JMY: variants seen among roughly 807,000 people sequenced by gnomAD.
The protein encoded by JMY is junction-mediating and -regulatory protein.
In JMY, 46 loss-of-function variants were observed where a neutral mutation model predicts 103.3. That is an observed-to-expected ratio of 0.45 (90% CI 0.35 to 0.57). JMY has a LOEUF of 0.57. Ranked by LOEUF, JMY falls within the 20% of genes least tolerant of loss-of-function variation. The probability of loss-of-function intolerance (pLI) is 0.00; values close to 1 mark genes in which losing one functional copy is unlikely to be tolerated. For synonymous variants in JMY, 526 were observed against 489.3 expected, an observed-to-expected ratio of 1.07 and a Z score of -0.99; for missense variants, 1,238 against 1,255.2, an observed-to-expected ratio of 0.99 and a Z score of 0.21.
At position 79,236,976 on chromosome 5, in the gene JMY, C is replaced by T. The variant is rs1271787309; in HGVS notation, c.326C>T (p.Ala109Val). ...VRSPGPRRSS[A>V]WAEGGSPRST... is the part of the protein sequence containing the mutation. Reference sequence around the variant, plus strand: ...AGCCCCGGGCCCCGGCGGAGCTCGGCCTGGGCGGAGGGCGGCTCTCCTCGG... The same window carrying T: ...AGCCCCGGGCCCCGGCGGAGCTCGGTCTGGGCGGAGGGCGGCTCTCCTCGG... The change falls in exon 1 of 11, where the codon GCC becomes GTC. Residue 109 changes from alanine to valine, a missense_variant. By Grantham distance (64) the Ala-to-Val change is moderately conservative (BLOSUM62 0). Coordinates refer to ENST00000396137, the MANE Select transcript of JMY (RefSeq NM_152405.5). The T allele has an allele frequency of 1.4e-6, 2 of 1,457,448 alleles. No homozygotes were observed. The highest frequency in any genetic ancestry group is 2.5e-5 in the East Asian group (1 of 39,780). The allele number at this position is 1,457,448 out of a possible 1,614,324, so 90.3% of individuals were successfully genotyped here.
chr5:79,289,268 G>A (rs530598353), intron 2 of JMY, among the ~76,000 whole-genome samples: 313 of 148,838 alleles, frequency 2.1e-3, no homozygotes, highest in Non-Finnish European at 2.3e-3. Context: ...AATATGGGTT[G>A]TATTATTTCT....
At chr5:79,237,826 T>A (rs557641225) in intron 1 of JMY, 144 bp downstream of exon 1, 1 of 669,728 alleles carries the variant, frequency 1.5e-6, no homozygotes, top group South Asian at 2.1e-5. Flanking sequence ...GTTCCTGATC[T>A]ACCTTGCCCT....
Position 79,326,315 on chromosome 5 carries a change from G to GTT in JMY, c.*4714_*4715dup, listed in dbSNP as rs893119247. ...ACAAGGTATGGATGTTGGTTACAGA[G>GTT]TTCAGTTTTAACAAGGGAAATTTGG... On this transcript the variant is annotated 3_prime_UTR_variant, in exon 11 of 11. Coordinates refer to ENST00000396137, the MANE Select transcript of JMY (RefSeq NM_152405.5). The GTT allele has an allele frequency of 6.8e-6, 1 of 147,664 alleles. No individual in the cohort carries two copies. The highest frequency in any genetic ancestry group is 2.6e-5 in the African/African-American group (1 of 38,956). 9.1% of individuals were successfully genotyped at this position (147,664 alleles called of 1,614,324 possible).
At chr5:79,268,141 G>C (rs530606453) in intron 1 of JMY, among the ~76,000 whole-genome samples, 3 of 152,170 alleles carry the variant, frequency 2.0e-5, no homozygotes, top group Non-Finnish European at 4.4e-5. Context: ...TCCTCAGGAG[G>C]CTACGGTGGG....
At chr5:79,261,918 CCCAA>C (rs1380081587) in intron 1 of JMY, among the ~76,000 whole-genome samples, 1 of 152,230 alleles carries the variant, frequency 6.6e-6, no homozygotes, top group East Asian at 1.9e-4. Context: ...AGCCACCATG[CCCAA>C]CCTCTGCTTC....
chr5:79,279,068 T>G (rs1032607584), intron 2 of JMY, among the ~76,000 whole-genome samples: 12 of 152,160 alleles, frequency 7.9e-5, no homozygotes, highest in African/African-American at 1.9e-4. Context: ...CAGGCATGGA[T>G]CATGCCTGTA....
intron 1 of JMY, among the ~76,000 whole-genome samples, chr5:79,255,128 C>CT (rs71615518): frequency 1.4e-5 from 2 of 139,810 alleles, no homozygotes; most frequent in African/African-American, 2.8e-5. Flanking sequence ...TCTCTCTCTC[C>CT]TTTTTTTTGA....
chr5:79,325,253 G>C lies in JMY; in HGVS notation c.*3651G>C, dbSNP rs900844858. 6.6e-6 allele frequency: 1 copy of C among 152,012 alleles called. No individual in the cohort carries two copies. The highest frequency in any genetic ancestry group is 2.4e-5 in the African/African-American group (1 of 41,396). The allele number at this position is 152,012 out of a possible 1,614,324, so 9.4% of individuals were successfully genotyped here. On this transcript the variant is annotated 3_prime_UTR_variant, in exon 11 of 11. Transcript: ENST00000396137. The stretch of plus-strand genomic sequence containing the variant: ...GTTTTCTTTTTTCAGCTTTATTATT[G>C]AAGTATTACAAACTTAACATCAGAT...
chr5:79,270,726 A>T (rs1745758720), intron 1 of JMY, among the ~76,000 whole-genome samples: 1 of 147,462 alleles, frequency 6.8e-6, no homozygotes, highest in South Asian at 2.1e-4. Flanking sequence ...TTATAAATAT[A>T]TATACACCAT....
In JMY at chr5:79,325,003, A is replaced by ATACT. The variant is rs1388672153; in HGVS notation, c.*3403_*3406dup. On this transcript the variant is annotated 3_prime_UTR_variant, in exon 11 of 11. Transcript: ENST00000396137. ...CAGAATGTGTGTCAAGTTGCAAAGC[A>ATACT]TACTTGGGCCATAGTAGACACTAAG... The ATACT allele has an allele frequency of 6.5e-6, 1 of 152,740 alleles. No individual in the cohort carries two copies. Among genetic ancestry groups the ATACT allele is most frequent in the South Asian group, 2.1e-4 (1 of 4,834 alleles). 9.5% of individuals were successfully genotyped at this position (152,740 alleles called of 1,614,324 possible).
rs182149334 is a variant in JMY at position 79,262,118 on chromosome 5, C to A, written c.1033-15792C>A. On this transcript the variant is annotated intron_variant, in intron 1 of 10. Coordinates refer to ENST00000396137, the MANE Select transcript of JMY (RefSeq NM_152405.5). ...TGGTTGAGCTTCAGCACTTCTGAAA[C>A]CCTTTGTGGTTGTATTCTCATTCAG... is the stretch of plus-strand genomic sequence containing the variant. Among the ~76,000 whole-genome samples the A allele has an allele frequency of 4.3e-3, 648 of 152,248 alleles. 8 individuals carry two copies. The highest frequency in any genetic ancestry group is 0.015 in the African/African-American group (612 of 41,550).
chr5:79,249,565 C>T (rs1184160968), intron 1 of JMY, among the ~76,000 whole-genome samples: 1 of 152,092 alleles, frequency 6.6e-6, no homozygotes, highest in Non-Finnish European at 1.5e-5. Flanking sequence ...TGTTCTATTT[C>T]TTGGTAGAAA....
intron 1 of JMY, among the ~76,000 whole-genome samples, chr5:79,241,031 G>A (rs1183853343): frequency 1.3e-5 from 2 of 152,132 alleles, no homozygotes; most frequent in Non-Finnish European, 2.9e-5. Flanking sequence ...ACAATACTTA[G>A]TCCTTTTCCT....
chr5:79,301,321 G>A (rs1746727898), intron 6 of JMY, among the ~76,000 whole-genome samples: 1 of 152,168 alleles, frequency 6.6e-6, no homozygotes, highest in African/African-American at 2.4e-5. Context: ...TTGCACTCTA[G>A]TCCAGATGTT....
chr5:79,269,470 A>G (rs1202812509), intron 1 of JMY, among the ~76,000 whole-genome samples: 2 of 152,192 alleles, frequency 1.3e-5, no homozygotes, highest in Non-Finnish European at 2.9e-5. Flanking sequence ...GATACCCACA[A>G]AATAACTTGC....
intron 6 of JMY, 42 bp from the exon 7 acceptor site, chr5:79,306,333 T>C (rs1746880157): frequency 7.1e-7 from 1 of 1,416,626 alleles, no homozygotes; most frequent in South Asian, 1.2e-5. Context: ...TCAGAGTCTT[T>C]CAAGTTTCAC....
At chr5:79,288,669 C>CTT (rs111459641) in intron 2 of JMY, among the ~76,000 whole-genome samples, 1 of 147,294 alleles carries the variant, frequency 6.8e-6, no homozygotes. Flanking sequence ...TCACTCATGA[C>CTT]TTTTTTTTTT....
chr5:79,311,715 C>T (rs893082365), intron 7 of JMY, among the ~76,000 whole-genome samples: 11 of 152,168 alleles, frequency 7.2e-5, no homozygotes, highest in African/African-American at 1.7e-4. Flanking sequence ...GTTTAGATAA[C>T]TGCCAAAAAT....
rs1019410532 is a variant in JMY, at chr5:79,284,775, G to A, written c.1207-5346G>A. The stretch of plus-strand genomic sequence containing the variant: ...TTTTGGTTCCTTGGGTCCTGGTGAT[G>A]AGCATCTTTCCAATATTTCTTATAT... On this transcript the variant is annotated intron_variant, in intron 2 of 10. Transcript: ENST00000396137. The A allele has an allele frequency of 3.8e-5, 60 of 1,575,330 alleles. No individual in the cohort carries two copies. In the Middle Eastern group the frequency reaches 6.8e-4, roughly 18 times the overall value.
Sources: gnomAD v4.1 joint callset for allele counts (sites outside exome capture counted in the v4.1 genomes callset) on GRCh38, gnomAD v4.1.1 for gene constraint, MANE v1.5 for transcripts, NCBI Gene and HGNC (gene_info 2026-07-23, HGNC 2026-07-21) for gene names.